Variants in PRELID2 observed in about 807,000 individuals in gnomAD.
PRELID2 encodes the protein PRELI domain-containing protein 2.
A neutral mutation model predicts 28.4 loss-of-function variants in PRELID2; 25 were observed. The ratio of observed to expected loss-of-function variants is 0.88; its 90% CI spans 0.64 to 1.23. PRELID2 has a LOEUF of 1.23. Among genes scored for constraint, PRELID2 ranks in the 50% most tolerant of loss-of-function variants. The probability of loss-of-function intolerance (pLI) is 0.00; values close to 1 mark genes in which losing one functional copy is unlikely to be tolerated. For synonymous variants in PRELID2, 76 were observed against 71.6 expected (o/e 1.06, Z -0.31); for missense variants, 201 against 214.4 (o/e 0.94, Z 0.39).
chr5:145,267,965 T>C, the PRELID2 span, among the ~76,000 whole-genome samples: 2 of 152,204 alleles, frequency 1.3e-5, no homozygotes, highest in African/African-American at 2.4e-5. Context: ...TTGAGAAATA[T>C]CTATTCATAT....
intron 1 of PRELID2, among the ~76,000 whole-genome samples, chr5:145,492,637 T>A (rs1391840970): frequency 7.1e-6 from 1 of 141,632 alleles, no homozygotes; most frequent in Non-Finnish European, 1.6e-5. Context: ...TCTTCTAAAG[T>A]TTCACAGTTT....
chr5:145,524,893 A>G (rs1247924786), intron 1 of PRELID2, among the ~76,000 whole-genome samples: 1 of 152,160 alleles, frequency 6.6e-6, no homozygotes, highest in African/African-American at 2.4e-5. Flanking sequence ...CTGTGAGACT[A>G]AGTGTCATAG....
intron 1 of PRELID2, among the ~76,000 whole-genome samples, chr5:145,523,565 G>A (rs984189469): frequency 1.3e-5 from 2 of 152,154 alleles, no homozygotes; most frequent in African/African-American, 2.4e-5. Flanking sequence ...TCTCTTCTTA[G>A]CTGGTAGGTG....
At chr5:145,364,935 A>AG in the PRELID2 span, among the ~76,000 whole-genome samples, 9 of 152,150 alleles carry the variant, frequency 5.9e-5, no homozygotes, top group Middle Eastern at 3.4e-3. Flanking sequence ...AAATAAATAT[A>AG]GGAAATTTAA....
rs59927401 is a variant in PRELID2, at chr5:145,539,075, T to A, written n.71-65760A>T. On this transcript the variant is annotated intron_variant and non_coding_transcript_variant, in intron 1 of 2. Transcript: ENST00000510259. ...TCCAAGGAGTAGAAAGGCAATGAGA[T>A]AAGAAAACCTAAGACAGCCGAAACA... is the stretch of plus-strand genomic sequence containing the variant. Among the ~76,000 whole-genome samples the A allele has an allele frequency of 2.3e-3, 348 of 151,914 alleles. 1 individual carries two copies. The highest frequency in any genetic ancestry group is 8.1e-3 in the African/African-American group (336 of 41,500).
At chr5:145,339,829 A>G in the PRELID2 span, among the ~76,000 whole-genome samples, 5 of 152,038 alleles carry the variant, frequency 3.3e-5, no homozygotes, top group Non-Finnish European at 7.4e-5. Flanking sequence ...GCCTCTAAAG[A>G]TCTGTATCCT....
At chr5:145,303,729 C>A in the PRELID2 span, among the ~76,000 whole-genome samples, 2 of 152,116 alleles carry the variant, frequency 1.3e-5, no homozygotes, top group African/African-American at 2.4e-5. Flanking sequence ...CCACTGATTG[C>A]AAAAAGTATA....
At chr5:145,324,792 A>G in the PRELID2 span, among the ~76,000 whole-genome samples, 283 of 152,320 alleles carry the variant, frequency 1.9e-3, 8 homozygotes, top group East Asian at 0.045. Flanking sequence ...TTCCATAGAT[A>G]AGGAAACTTA....
At chr5:145,229,244 G>T in the PRELID2 span, 1 of 769,882 alleles carries the variant, frequency 1.3e-6, no homozygotes, top group Non-Finnish European at 2.4e-6. Flanking sequence ...TCCCTGGAGG[G>T]CTCCCTGGAG....
At chr5:145,338,875 G>A in the PRELID2 span, among the ~76,000 whole-genome samples, 1 of 152,186 alleles carries the variant, frequency 6.6e-6, no homozygotes, top group Non-Finnish European at 1.5e-5. Context: ...GCTTTTAATA[G>A]CAGTATATGT....
chr5:145,230,406 T>C, the PRELID2 span, among the ~76,000 whole-genome samples: 1 of 152,066 alleles, frequency 6.6e-6, no homozygotes, highest in Admixed American at 6.6e-5. Flanking sequence ...ACCCTGTCTC[T>C]ACTAAAAATA....
At chr5:145,564,565 A>G (rs532207009) in intron 1 of PRELID2, among the ~76,000 whole-genome samples, 133 of 152,290 alleles carry the variant, frequency 8.7e-4, no homozygotes, top group African/African-American at 3.0e-3. Flanking sequence ...CCCTCTCCTT[A>G]TAACTCTTGA....
At chr5:145,357,289 T>C in the PRELID2 span, among the ~76,000 whole-genome samples, 6 of 152,194 alleles carry the variant, frequency 3.9e-5, no homozygotes, top group South Asian at 8.3e-4. Context: ...TCCTCTCTAG[T>C]GAGGTTAAAG....
At chr5:145,421,637 A>G in the PRELID2 span, among the ~76,000 whole-genome samples, 1 of 138,946 alleles carries the variant, frequency 7.2e-6, no homozygotes. Flanking sequence ...TTTCTTTATT[A>G]GTCTTGCTAG....
the PRELID2 span, among the ~76,000 whole-genome samples, chr5:145,291,335 CAGAAAAAA>C: frequency 3.5e-5 from 2 of 57,474 alleles, no homozygotes; most frequent in Admixed American, 4.7e-4. Flanking sequence ...GACTCTGTTT[CAGAAAAAA>C]AAAAAAAAAA....
chr5:145,793,267 T>A (rs1429264565), intron 5 of PRELID2, among the ~76,000 whole-genome samples: 1 of 152,176 alleles, frequency 6.6e-6, no homozygotes, highest in Non-Finnish European at 1.5e-5. Context: ...CAGCTTTTAA[T>A]TTACAAACAT....
the PRELID2 span, among the ~76,000 whole-genome samples, chr5:145,325,611 GAAAGTT>G: frequency 3.9e-5 from 6 of 152,236 alleles, no homozygotes; most frequent in South Asian, 1.2e-3. Context: ...TTTCTAATAA[GAAAGTT>G]AAAGTTAAAA....
At chr5:145,534,029 G>A (rs150192700) in intron 1 of PRELID2, among the ~76,000 whole-genome samples, 1,818 of 152,124 alleles carry the variant, frequency 0.012, 21 homozygotes, top group Non-Finnish European at 0.017. Flanking sequence ...TATTAGATAG[G>A]AATTTGGACT....
At chr5:145,687,419 A>T (rs1176364698) in intron 1 of PRELID2, among the ~76,000 whole-genome samples, 1 of 152,214 alleles carries the variant, frequency 6.6e-6, no homozygotes, top group African/African-American at 2.4e-5. Flanking sequence ...CAAAAATATC[A>T]ATGTCATGAA....
Sources: gnomAD v4.1 joint callset for allele counts (sites outside exome capture counted in the v4.1 genomes callset) on GRCh38, gnomAD v4.1.1 for gene constraint, MANE v1.5 for transcripts, NCBI Gene and HGNC (gene_info 2026-07-23, HGNC 2026-07-21) for gene names.